The following HAS1 variants were observed in gnomAD, a reference collection of about 807,000 sequenced individuals.
The protein encoded by HAS1 is HA synthase 1.
HAS1 carries 27 observed loss-of-function variants against 35.0 expected under a neutral mutation model. That is an observed-to-expected ratio of 0.77 (90% confidence interval 0.57 to 1.06). The LOEUF is 1.06. Ranked by LOEUF, HAS1 falls within the 50% of genes least tolerant of loss-of-function variation. HAS1 has a pLI of 0.00. For missense variants in HAS1, 940 were observed against 814.8 expected (o/e 1.15, Z -1.87); for synonymous variants, 409 against 371.2 (o/e 1.10, Z -1.17).
In HAS1 at chr19:51,713,344, C is replaced by G. The variant is rs1482841701; in HGVS notation, c.*83G>C. The G allele has an allele frequency of 7.6e-7, 1 of 1,322,544 alleles. No homozygotes were observed. Among genetic ancestry groups the G allele is most frequent in the Non-Finnish European group, 1.0e-6 (1 of 1,003,746 alleles). 81.9% of individuals were successfully genotyped at this position (1,322,544 alleles called of 1,614,324 possible). ...GGGAAACTGAGGCCCAGAGAACCAC[C>G]CAGCAAGTTCGTGGCTCGGGGCCCA... On this transcript the variant is annotated 3_prime_UTR_variant, in exon 5 of 5. Coordinates refer to ENST00000540069, the MANE Select transcript of HAS1 (RefSeq NM_001297436.2). This position sits in a 1 kb window ranked among gnomAD's most constrained non-coding sequence, Gnocchi z 4.5.
chr19:51,722,286 A>G (rs905105807), intron 1 of HAS1, among the ~76,000 whole-genome samples: 2 of 152,212 alleles, frequency 1.3e-5, no homozygotes, highest in Non-Finnish European at 2.9e-5. Flanking sequence ...GTTATTGGAA[A>G]GATTTTAAAT....
At chr19:51,721,300 C>G (rs901864573) in intron 1 of HAS1, among the ~76,000 whole-genome samples, 1 of 152,170 alleles carries the variant, frequency 6.6e-6, no homozygotes, top group Non-Finnish European at 1.5e-5. Context: ...TGGTAGAGGA[C>G]TCTTCTCTCT....
intron 1 of HAS1, among the ~76,000 whole-genome samples, chr19:51,720,388 T>C (rs566514792): frequency 6.6e-6 from 1 of 152,278 alleles, no homozygotes; most frequent in African/African-American, 2.4e-5. Context: ...AGTGCTGGGA[T>C]TACAGGCATG....
intron 1 of HAS1, 70 bp downstream of exon 1, chr19:51,723,855 A>G (rs1256778085): frequency 1.5e-6 from 2 of 1,371,666 alleles, no homozygotes; most frequent in Non-Finnish European, 2.0e-6. Context: ...GGTCACACAT[A>G]TGGCAGTAGT....
chr19:51,719,332 C>T lies in HAS1; in HGVS notation c.573G>A (p.Gly191=), dbSNP rs781164597. The stretch of plus-strand genomic sequence containing the variant: ...TCACCAGCGCCTCCACTGCCAGCCG[C>T]CCAGGATCCTCCGCCTCCACCTCCC... ...AYREVEAEDP[G]RLAVEALVRT... The change falls in exon 2 of 5, where the codon GGG becomes GGA. Residue 191 remains glycine, a synonymous_variant. Coordinates refer to ENST00000540069, the MANE Select transcript of HAS1 (RefSeq NM_001297436.2). 6 of 1,612,260 alleles carry T rather than the reference C, an allele frequency of 3.7e-6. No homozygotes were observed. The highest frequency in any genetic ancestry group is 3.3e-5 in the Admixed American group (2 of 59,882).
chr19:51,716,103 A>G, intron 4 of HAS1, 153 bp downstream of exon 4: 1 of 684,372 alleles, frequency 1.5e-6, no homozygotes, highest in Non-Finnish European at 2.5e-6. Flanking sequence ...CCCTCTGCCC[A>G]TTATGGTATC....
In HAS1 at chr19:51,719,761, A is replaced by C. The variant is rs1369177527; in HGVS notation, c.144T>G (p.Asp48Glu). 3 of 1,565,486 alleles carry C rather than the reference A, an allele frequency of 1.9e-6. No individual in the cohort carries two copies. The highest frequency in any genetic ancestry group is 1.7e-6 in the Non-Finnish European group (2 of 1,159,668). Residue 48 changes from aspartate (D) to glutamate (E), a missense_variant, in exon 2 of 5, where the codon GAT becomes GAG. Asp to Glu is a conservative substitution (Grantham distance 45). Coordinates refer to ENST00000540069, the MANE Select transcript of HAS1 (RefSeq NM_001297436.2). ...AYAAGVPLAS[D>E]RYGLLAFGLY... Reference sequence around the variant, plus strand: ...GGCCGAAGGCCAGGAGGCCGTAGCGATCGGAGGCCAGCGGCACCCCGGCGG... The same window carrying C: ...GGCCGAAGGCCAGGAGGCCGTAGCGCTCGGAGGCCAGCGGCACCCCGGCGG...
rs776968033 is a variant in HAS1 at position 51,719,518 on chromosome 19, G to C, written c.387C>G (p.Val129=). The C allele has an allele frequency of 7.6e-5, 117 of 1,549,260 alleles. No homozygotes were observed. The highest frequency in any genetic ancestry group is 9.5e-5 in the Non-Finnish European group (109 of 1,146,260). Residue 129 remains valine, a synonymous_variant, in exon 2 of 5, where the codon GTC becomes GTG. Transcript: ENST00000540069. ...ALLYPRARLR[V]LMVVDGNRAE... is the part of the protein sequence containing the mutation. ...CGCGGTTGCCATCCACCACCATGAGGACGCGCAGCCGCGCGCGCGGGTACA... is the reference window on the plus strand; with the variant it reads ...CGCGGTTGCCATCCACCACCATGAGCACGCGCAGCCGCGCGCGCGGGTACA...
At position 51,717,083 on chromosome 19, in the gene HAS1, G is replaced by T. The variant is rs752261227; in HGVS notation, c.810C>A (p.Asn270Lys). Residue 270 changes from asparagine to lysine, a missense_variant, in exon 3 of 5, where the codon AAC (asparagine) becomes AAA (lysine). Physicochemically the swap from Asn to Lys is moderately conservative, Grantham distance 94 (BLOSUM62 0). Transcript: ENST00000540069. ...GAVGGDVRIL[N>K]PLDSWVSFLS... ...GGAAGCTGACCCAGGAGTCCAGAGG[G>T]TTAAGGATCCGCACGTCCCCACCAA... 6.2e-7 allele frequency: 1 copy of T among 1,614,004 alleles called. No individual in the cohort carries two copies. The highest frequency in any genetic ancestry group is 1.1e-5 in the South Asian group (1 of 91,080).
At chr19:51,722,517 C>T (rs1198468915) in intron 1 of HAS1, among the ~76,000 whole-genome samples, 1 of 152,174 alleles carries the variant, frequency 6.6e-6, no homozygotes, top group Non-Finnish European at 1.5e-5. Flanking sequence ...TTATATGTAG[C>T]AGGGGTCGGC....
Position 51,713,445 on chromosome 19 carries a change from G to GC in HAS1, c.1715dup (p.Tyr573LeufsTer94). ...GCTGGACTCACACCTGGACGCGGTA[G>GC]CCCCCGGTCCGCCGCCGGCAAAGCC... On this transcript the variant is annotated frameshift_variant, in exon 5 of 5. Transcript: ENST00000540069. LOFTEE classifies it high-confidence loss of function. The surrounding 1 kb of genome is among the most constrained non-coding windows in gnomAD (Gnocchi z 4.5). 6.5e-7 allele frequency: 1 copy of GC among 1,536,562 alleles called. No individual in the cohort carries two copies. The highest frequency in any genetic ancestry group is 8.8e-7 in the Non-Finnish European group (1 of 1,140,356).
chr19:51,715,458 G>C (rs544338914), intron 4 of HAS1, among the ~76,000 whole-genome samples: 15 of 152,066 alleles, frequency 9.9e-5, no homozygotes, highest in African/African-American at 3.4e-4. Context: ...CACCACCCTT[G>C]CCCGGCATTA....
At position 51,719,269 on chromosome 19, in the gene HAS1, G is replaced by T. The variant is rs370617787; in HGVS notation, c.636C>A (p.Gly212=). 9 of 1,609,410 alleles carry T rather than the reference G, an allele frequency of 5.6e-6. No individual in the cohort carries two copies. The highest frequency in any genetic ancestry group is 1.6e-4 in the Middle Eastern group (1 of 6,066). The change falls in exon 2 of 5, where the codon GGC becomes GGA. Residue 212 remains glycine, a synonymous_variant. Transcript: ENST00000540069. ...CTGTGTACATGACCTCGCGCTTGCC[G>T]CCCCAGCGCTGCGCCACGCACACGC... ...RRCVCVAQRW[G]GKREVMYTAF...
chr19:51,716,223 C>A, intron 4 of HAS1, 33 bp downstream of exon 4: 2 of 1,595,394 alleles, frequency 1.3e-6, no homozygotes, highest in South Asian at 1.1e-5. Context: ...TTGGCCTCCA[C>A]ACATACCCGA....
In HAS1 at chr19:51,719,924, G is replaced by C. The variant is rs148624449; in HGVS notation, c.10-29C>G. On this transcript the variant is annotated intron_variant, in intron 1 of 4. Transcript: ENST00000540069. Reference sequence around the variant, plus strand: ...CTGGGAGCGAGAGGGGAAAGGAAGGGGCATGAGTCCCGGGCGCATGAGCCT... The same window carrying C: ...CTGGGAGCGAGAGGGGAAAGGAAGGCGCATGAGTCCCGGGCGCATGAGCCT... The C allele has an allele frequency of 9.6e-3, 13,986 of 1,460,252 alleles. 148 individuals are homozygous for C. Among genetic ancestry groups the C allele is most frequent in the South Asian group, 0.037 (3,000 of 81,066 alleles). 90.5% of individuals were successfully genotyped at this position (1,460,252 alleles called of 1,614,324 possible). A position where few individuals can be genotyped will look rare whatever the true frequency, so the allele number is the denominator to read the frequency against.
At chr19:51,716,078 CT>C (rs1215231296) in intron 4 of HAS1, among the ~76,000 whole-genome samples, 177 bp downstream of exon 4, 2 of 152,176 alleles carry the variant, frequency 1.3e-5, no homozygotes, top group African/African-American at 2.4e-5. Context: ...AGTCCATTGG[CT>C]CAATGCAAAT....
rs920987958 is a variant in HAS1, at chr19:51,713,582, C to T, written c.1579G>A (p.Asp527Asn). The change falls in exon 5 of 5, where the codon GAC becomes AAC. Residue 527 changes from aspartate (D) to asparagine (N), a missense_variant. Transcript: ENST00000540069. The surrounding 1 kb of genome is among the most constrained non-coding windows in gnomAD (Gnocchi z 4.5). Reference sequence around the variant, plus strand: ...GCTGCGCGGGAAGGGCCGCTCCAGTCGGCCCTGGCCTCGTGTGCTACGCTG... The same window carrying T: ...GCTGCGCGGGAAGGGCCGCTCCAGTTGGCCCTGGCCTCGTGTGCTACGCTG... ...VRSVAHEARA[D>N]WSGPSRAAEA... 2.6e-6 allele frequency: 4 copies of T among 1,560,162 alleles called. No homozygotes were observed. The highest frequency in any genetic ancestry group is 3.5e-6 in the Non-Finnish European group (4 of 1,152,304).
At position 51,717,169 on chromosome 19, in the gene HAS1, C is replaced by T. The variant is rs1226288844; in HGVS notation, c.724G>A (p.Asp242Asn). The change falls in exon 3 of 5, where the codon GAC becomes AAC. Residue 242 changes from aspartate to asparagine, a missense_variant. Physicochemically the swap from Asp to Asn is conservative, Grantham distance 23. Coordinates refer to ENST00000540069, the MANE Select transcript of HAS1 (RefSeq NM_001297436.2). ...ACGAGCTCCAGCAGTGCCATGGGGT[C>T]CAACCTTGTGTCCGAGTCACAGACC... ...VQVCDSDTRL[D>N]PMALLELVRV... 6.2e-7 allele frequency: 1 copy of T among 1,613,350 alleles called. No individual in the cohort carries two copies. Among genetic ancestry groups the T allele is most frequent in the Admixed American group, 1.7e-5 (1 of 60,016 alleles).
chr19:51,721,457 A>AAT (rs1051620132), intron 1 of HAS1, among the ~76,000 whole-genome samples: 113 of 151,992 alleles, frequency 7.4e-4, no homozygotes, highest in Non-Finnish European at 1.1e-3. Context: ...CAACAACCTT[A>AAT]ATATATATAT....
Sources: gnomAD v4.1 joint callset for allele counts (sites outside exome capture counted in the v4.1 genomes callset) on GRCh38, gnomAD v4.1.1 for gene constraint, Gnocchi (gnomAD v3.1) non-coding constraint, MANE v1.5 for transcripts, NCBI Gene and HGNC (gene_info 2026-07-23, HGNC 2026-07-21) for gene names.